VAMP2: variants seen among roughly 807,000 people sequenced by gnomAD.
VAMP2 encodes vesicle-associated membrane protein 2.
For synonymous variants in VAMP2, 67 were observed against 57.3 expected, an observed-to-expected ratio of 1.17 and a Z score of -0.76; for missense variants, 95 against 151.3, an observed-to-expected ratio of 0.63 and a Z score of 1.95.
In VAMP2 at chr17:8,160,800, C is replaced by T. The variant is rs1301080235; in HGVS notation, c.*55G>A. ...AAGATATGGCTGAGAGGTGGAGGAACGGCTGAGGGTTGGGGGAGAGGCCCT... is the reference window on the plus strand; with the variant it reads ...AAGATATGGCTGAGAGGTGGAGGAATGGCTGAGGGTTGGGGGAGAGGCCCT... On this transcript the variant is annotated 3_prime_UTR_variant, in exon 5 of 5. Transcript: ENST00000316509. 6 of 1,572,422 alleles carry T rather than the reference C, an allele frequency of 3.8e-6. No homozygotes were observed. Among genetic ancestry groups the T allele is most frequent in the East Asian group, 2.3e-5 (1 of 43,972 alleles).
Position 8,160,741 on chromosome 17 carries a change from C to G in VAMP2, c.*114G>C. ...TTACAGGGGGACACACACACGGACA[C>G]ACACACACACGGATCCAGGGGAGTG... On this transcript the variant is annotated 3_prime_UTR_variant, in exon 5 of 5. Transcript: ENST00000316509. The G allele has an allele frequency of 6.7e-6, 7 of 1,048,912 alleles. No homozygotes were observed. The highest frequency in any genetic ancestry group is 8.2e-6 in the Non-Finnish European group (6 of 727,440). The allele number at this position is 1,048,912 out of a possible 1,614,324, so 65.0% of individuals were successfully genotyped here.
rs1224942408 is a variant in VAMP2, at chr17:8,160,246, T to C, written c.*609A>G. ...AAAGAAATGGAAAGGGATAGCAGTA[T>C]GTAATGATACGCTAATTAACATGCT... On this transcript the variant is annotated 3_prime_UTR_variant, in exon 5 of 5. Transcript: ENST00000316509. 6.6e-6 allele frequency: 1 copy of C among 152,532 alleles called. No individual in the cohort carries two copies. The highest frequency in any genetic ancestry group is 1.5e-5 in the Non-Finnish European group (1 of 68,070). The allele number at this position is 152,532 out of a possible 1,614,324, so 9.4% of individuals were successfully genotyped here.
intron 1 of VAMP2, 155 bp from the exon 2 acceptor site, chr17:8,162,524 C>T (rs1983348290): frequency 1.3e-6 from 2 of 1,515,864 alleles, no homozygotes; most frequent in African/African-American, 2.8e-5. Context: ...CCAGCCCTGC[C>T]GCCGATGAGC....
In VAMP2 at chr17:8,161,671, C is replaced by A; in HGVS notation, c.219G>T (p.Gly73=). The change falls in exon 3 of 5, where the codon GGG becomes GGT. Residue 73 remains glycine (G), a synonymous_variant. Transcript: ENST00000316509. The part of the protein sequence containing the change: ...LDDRADALQA[G]ASQFETSAAK... ...CTGCGCTTGTTTCAAACTGGGAGGC[C>A]CCCGCCTGGAGTGCATCTGCACGGT... The A allele has an allele frequency of 6.2e-7, 1 of 1,614,184 alleles. No individual in the cohort carries two copies.
At chr17:8,162,417 C>T (rs766708906) in intron 1 of VAMP2, 48 bp from the exon 2 acceptor site, 12 of 1,602,192 alleles carry the variant, frequency 7.5e-6, no homozygotes, top group Non-Finnish European at 1.0e-5. Flanking sequence ...GCCTCCCGGC[C>T]CCGCAGCCAG....
chr17:8,161,909 G>A, intron 2 of VAMP2, 143 bp from the exon 3 acceptor site: 3 of 1,313,858 alleles, frequency 2.3e-6, no homozygotes, highest in South Asian at 1.4e-5. Flanking sequence ...CACAGAACAT[G>A]CCTAGCACAC....
intron 2 of VAMP2, 88 bp from the exon 3 acceptor site, chr17:8,161,854 A>G (rs1983323328): frequency 5.2e-6 from 8 of 1,547,364 alleles, no homozygotes; most frequent in Non-Finnish European, 7.0e-6. Flanking sequence ...CGTGCCACAC[A>G]TGGAACATGC....
In VAMP2 at chr17:8,160,728, A is replaced by C. The variant is rs1037975491; in HGVS notation, c.*127T>G. On this transcript the variant is annotated 3_prime_UTR_variant, in exon 5 of 5. Transcript: ENST00000316509. ...AACAGCTGGCTATTTACAGGGGGAC[A>C]CACACACGGACACACACACACACGG... 1.6e-5 allele frequency: 12 copies of C among 761,852 alleles called. No individual in the cohort carries two copies. Among genetic ancestry groups the C allele is most frequent in the Non-Finnish European group, 2.4e-5 (12 of 495,482 alleles). The allele number at this position is 761,852 out of a possible 1,614,324, so 47.2% of individuals were successfully genotyped here. A position where few individuals can be genotyped will look rare whatever the true frequency, so the allele number is the denominator to read the frequency against.
chr17:8,162,602 G>A, intron 1 of VAMP2: 1 of 1,427,984 alleles, frequency 7.0e-7, no homozygotes, highest in Non-Finnish European at 9.1e-7. Flanking sequence ...CGACCTCACA[G>A]ATGCGATCCG....
At position 8,161,793 on chromosome 17, in the gene VAMP2, G is replaced by A. The variant is rs376745606; in HGVS notation, c.124-27C>T. 35 of 1,604,112 alleles carry A rather than the reference G, an allele frequency of 2.2e-5. No homozygotes were observed. The Admixed American group carries it at 3.4e-4, about 15-fold the overall frequency. On this transcript the variant is annotated intron_variant, in intron 2 of 4. Coordinates refer to ENST00000316509, the MANE Select transcript of VAMP2 (RefSeq NM_014232.3). ...TGGGAGAAGGGCCCACGAGGCAGGG[G>A]GGTGTGCCAAGGCCCACCTCAGTGA...
In VAMP2 at chr17:8,159,319, G is replaced by C. The variant is rs970633507; in HGVS notation, c.*1536C>G. Reference sequence around the variant, plus strand: ...TCCTACCCTTTCACACCACAGCTTAGATATCCCTGCTCCCCCTCCACACAG... The same window carrying C: ...TCCTACCCTTTCACACCACAGCTTACATATCCCTGCTCCCCCTCCACACAG... On this transcript the variant is annotated 3_prime_UTR_variant, in exon 5 of 5. Coordinates refer to ENST00000316509, the MANE Select transcript of VAMP2 (RefSeq NM_014232.3). 6.6e-6 allele frequency: 1 copy of C among 152,394 alleles called. No homozygotes were observed. The highest frequency in any genetic ancestry group is 1.5e-5 in the Non-Finnish European group (1 of 68,052). The allele number at this position is 152,394 out of a possible 1,614,324, so 9.4% of individuals were successfully genotyped here. A position where few individuals can be genotyped will look rare whatever the true frequency, so the allele number is the denominator to read the frequency against.
chr17:8,160,735 C>T lies in VAMP2; in HGVS notation c.*120G>A, dbSNP rs187919083. The T allele has an allele frequency of 4.3e-5, 40 of 920,820 alleles. No individual in the cohort carries two copies. In the East Asian group the frequency reaches 7.7e-4, roughly 18 times the overall value. The allele number at this position is 920,820 out of a possible 1,614,324, so 57.0% of individuals were successfully genotyped here. On this transcript the variant is annotated 3_prime_UTR_variant, in exon 5 of 5. Coordinates refer to ENST00000316509, the MANE Select transcript of VAMP2 (RefSeq NM_014232.3). ...GGCTATTTACAGGGGGACACACACACGGACACACACACACACGGATCCAGG... is the reference window on the plus strand; with the variant it reads ...GGCTATTTACAGGGGGACACACACATGGACACACACACACACGGATCCAGG...
intron 4 of VAMP2, 50 bp from the exon 5 acceptor site, chr17:8,160,921 A>C: frequency 6.5e-7 from 1 of 1,527,166 alleles, no homozygotes; most frequent in South Asian, 1.1e-5. Flanking sequence ...GGAGAGAAAG[A>C]GAGAGAACAA....
chr17:8,161,797 G>A (rs1368910160), intron 2 of VAMP2, 31 bp from the exon 3 acceptor site: 2 of 1,602,356 alleles, frequency 1.2e-6, no homozygotes, highest in South Asian at 2.2e-5. Flanking sequence ...GCAGGGGGGT[G>A]TGCCAAGGCC....
chr17:8,162,585 C>T (rs2151865622), intron 1 of VAMP2: 1 of 1,447,194 alleles, frequency 6.9e-7, no homozygotes, highest in East Asian at 2.7e-5. Context: ...CGCCTGTCAA[C>T]TGAGGGCGAC....
rs751787645 is a variant in VAMP2, at chr17:8,160,813, G to C, written c.*42C>G. On this transcript the variant is annotated 3_prime_UTR_variant, in exon 5 of 5. Coordinates refer to ENST00000316509, the MANE Select transcript of VAMP2 (RefSeq NM_014232.3). ...GAGGTGGAGGAACGGCTGAGGGTTG[G>C]GGGAGAGGCCCTTCTCTAGGCAGGG... 5.0e-6 allele frequency: 8 copies of C among 1,602,774 alleles called. No individual in the cohort carries two copies. In the Admixed American group the frequency reaches 1.2e-4, roughly 24 times the overall value.
At chr17:8,162,561 G>A (rs938911704) in intron 1 of VAMP2, 192 bp from the exon 2 acceptor site, 23 of 1,463,348 alleles carry the variant, frequency 1.6e-5, no homozygotes, top group Non-Finnish European at 1.5e-5. Context: ...AGGCCCCCCC[G>A]GCCTCAGTTT....
chr17:8,162,167 C>T, intron 2 of VAMP2, 82 bp downstream of exon 2: 1 of 1,486,568 alleles, frequency 6.7e-7, no homozygotes, highest in South Asian at 1.4e-5. Flanking sequence ...ACTGTCATCA[C>T]TCCCAAACCA....
chr17:8,160,190 AAC>A lies in VAMP2; in HGVS notation c.*663_*664del, dbSNP rs1181483493. 1.3e-5 allele frequency: 2 copies of A among 152,506 alleles called. No homozygotes were observed. Among genetic ancestry groups the A allele is most frequent in the East Asian group, 1.9e-4 (1 of 5,194 alleles). The allele number at this position is 152,506 out of a possible 1,614,324, so 9.4% of individuals were successfully genotyped here. Reference sequence around the variant, plus strand: ...GGACTAACTCCTCAGTAAAAAAAGAAACACAGGTTGAGAGAAGAGTGATGGAA... The same window carrying A: ...GGACTAACTCCTCAGTAAAAAAAGAAACAGGTTGAGAGAAGAGTGATGGAA... On this transcript the variant is annotated 3_prime_UTR_variant, in exon 5 of 5. Transcript: ENST00000316509.
Sources: gnomAD v4.1 joint callset for allele counts on GRCh38, gnomAD v4.1.1 for gene constraint, MANE v1.5 for transcripts, NCBI Gene and HGNC (gene_info 2026-07-23, HGNC 2026-07-21) for gene names.